The following MLXIPL variants were observed in gnomAD, a reference collection of about 807,000 sequenced individuals.
The protein encoded by MLXIPL is MLX interacting protein like, also known as carbohydrate-responsive element-binding protein.
Under a neutral mutation model 81.5 loss-of-function variants are expected in MLXIPL, and 49 were observed. The ratio of observed to expected loss-of-function variants is 0.60; its 90% confidence interval spans 0.48 to 0.76. MLXIPL has a LOEUF of 0.76. Among genes scored for constraint, MLXIPL ranks in the 30% least tolerant of loss-of-function variants. MLXIPL has a pLI of 0.00. For missense variants in MLXIPL, 1,053 were observed against 1,167.0 expected (o/e 0.90, Z 1.42); for synonymous variants, 466 against 485.5 (o/e 0.96, Z 0.53).
chr7:73,625,653 C>T (rs567545484), upstream of MLXIPL, among the ~76,000 whole-genome samples: 2 of 151,846 alleles, frequency 1.3e-5, no homozygotes, highest in East Asian at 1.9e-4. Flanking sequence ...CCCAGCTACT[C>T]GGGAGGCTGA....
At chr7:73,612,522 G>A (rs987803607) in intron 2 of MLXIPL, among the ~76,000 whole-genome samples, 1 of 151,706 alleles carries the variant, frequency 6.6e-6, no homozygotes, top group African/African-American at 2.4e-5. Context: ...CGCACCTGTA[G>A]TCCCAGCTAC....
chr7:73,647,424 CT>C, the MLXIPL span, among the ~76,000 whole-genome samples: 1 of 152,140 alleles, frequency 6.6e-6, no homozygotes, highest in African/African-American at 2.4e-5. Flanking sequence ...CCTGGGCCCC[CT>C]CTCAGCTCCT....
At chr7:73,607,267 G>C in intron 4 of MLXIPL, 64 bp downstream of exon 4, 1 of 1,482,150 alleles carries the variant, frequency 6.7e-7, no homozygotes, top group Non-Finnish European at 9.2e-7. Flanking sequence ...ATCTTCCGAG[G>C]CGGGCGGTAG....
At chr7:73,601,176 A>AGTGTGTGTGTGT (rs55639253) in intron 7 of MLXIPL, among the ~76,000 whole-genome samples, 2,244 of 137,624 alleles carry the variant, frequency 0.016, 20 homozygotes, top group Non-Finnish European at 0.02. Context: ...TGCAGGGTCA[A>AGTGTGTGTGTGT]GTGTGTGTGT....
rs373335863 is a variant in MLXIPL, at chr7:73,616,218, C to T, written c.294-41G>A. ...GGAGTAGGGTTAGGGAGATGCAGTG[C>T]TGCCACAGAGGCTGGTCCCCATATT... On this transcript the variant is annotated intron_variant, in intron 1 of 16. Coordinates refer to ENST00000313375, the MANE Select transcript of MLXIPL (RefSeq NM_032951.3). 1.9e-5 allele frequency: 29 copies of T among 1,508,566 alleles called. No homozygotes were observed. In the African/African-American group the frequency reaches 3.7e-4, roughly 19 times the overall value. The allele number at this position is 1,508,566 out of a possible 1,614,324, so 93.4% of individuals were successfully genotyped here.
At chr7:73,644,683 T>A in the MLXIPL span, among the ~76,000 whole-genome samples, 27,405 of 152,134 alleles carry the variant, frequency 0.18, 2,791 homozygotes, top group Non-Finnish European at 0.24. Flanking sequence ...TCCTTCCTGG[T>A]CGACATCTCT....
At chr7:73,594,746 G>A (rs530691238) in intron 15 of MLXIPL, among the ~76,000 whole-genome samples, 388 of 151,316 alleles carry the variant, frequency 2.6e-3, no homozygotes, top group Non-Finnish European at 4.1e-3. Flanking sequence ...ACGGGGTTTC[G>A]CTATGTTGGT....
At chr7:73,624,003 G>C (rs992968128) in intron 1 of MLXIPL, among the ~76,000 whole-genome samples, 197 bp downstream of exon 1, 1 of 152,048 alleles carries the variant, frequency 6.6e-6, no homozygotes, top group African/African-American at 2.4e-5. Flanking sequence ...GTCCGTCAGG[G>C]GCCAGCGGGC....
At chr7:73,619,090 G>A (rs67671166) in intron 1 of MLXIPL, among the ~76,000 whole-genome samples, 17,672 of 152,150 alleles carry the variant, frequency 0.12, 1,375 homozygotes, top group African/African-American at 0.22. Flanking sequence ...TTGGAAGGCC[G>A]AGGCAGGAGG....
upstream of MLXIPL, among the ~76,000 whole-genome samples, chr7:73,626,676 A>G (rs1554603950): frequency 6.6e-6 from 1 of 152,174 alleles, no homozygotes; most frequent in African/African-American, 2.4e-5. Context: ...ACAGGAGAGC[A>G]AAAACACACC....
the MLXIPL span, among the ~76,000 whole-genome samples, chr7:73,635,902 G>C: frequency 6.6e-5 from 10 of 152,216 alleles, no homozygotes; most frequent in Non-Finnish European, 1.5e-4. Flanking sequence ...CATGCCCTCT[G>C]TTCAGGCAGA....
chr7:73,641,909 C>T, the MLXIPL span, among the ~76,000 whole-genome samples: 1 of 152,156 alleles, frequency 6.6e-6, no homozygotes, highest in African/African-American at 2.4e-5. Flanking sequence ...GCTGGGATTA[C>T]AGACGTGAGC....
Position 73,602,729 on chromosome 7 carries a change from CCAT to C in MLXIPL, c.901+2956_901+2958del, listed in dbSNP as rs1794984000. On this transcript the variant is annotated intron_variant, in intron 7 of 16. Coordinates refer to ENST00000313375, the MANE Select transcript of MLXIPL (RefSeq NM_032951.3). The stretch of plus-strand genomic sequence containing the variant: ...ATGGCGAGTGGTCACTGCTGCTCCC[CCAT>C]CTCCCAGGGTCCACAGTTCCTGTCA... 7.9e-5 allele frequency among the ~76,000 whole-genome samples: 12 copies of C among 152,128 alleles called. No homozygotes were observed. In the South Asian group the frequency reaches 2.5e-3, roughly 31 times the overall value.
chr7:73,621,568 G>A lies in MLXIPL; in HGVS notation c.293+2632C>T, dbSNP rs894178379. On this transcript the variant is annotated intron_variant, in intron 1 of 16. Coordinates refer to ENST00000313375, the MANE Select transcript of MLXIPL (RefSeq NM_032951.3). ...CCTCCAGGGGACCCCTGGAACTGGG[G>A]GTCTTTGAGGATGAAAACACTGTCC... 2.6e-5 allele frequency among the ~76,000 whole-genome samples: 4 copies of A among 151,966 alleles called. No individual in the cohort carries two copies. The East Asian group carries it at 5.8e-4, about 22-fold the overall frequency.
chr7:73,647,839 C>T, the MLXIPL span, among the ~76,000 whole-genome samples: 2 of 150,694 alleles, frequency 1.3e-5, no homozygotes, highest in Admixed American at 6.6e-5. Context: ...GCGGCGGGGG[C>T]GCTGCGGGGA....
intron 2 of MLXIPL, among the ~76,000 whole-genome samples, chr7:73,608,273 CAG>C (rs782165907): frequency 1.3e-4 from 20 of 152,052 alleles, no homozygotes; most frequent in Admixed American, 7.2e-4. Context: ...CCATAGGCCA[CAG>C]AGAGTGAGCT....
At chr7:73,615,740 C>CCT (rs1554600611) in intron 2 of MLXIPL, among the ~76,000 whole-genome samples, 1 of 151,916 alleles carries the variant, frequency 6.6e-6, no homozygotes, top group Non-Finnish European at 1.5e-5. Flanking sequence ...CATGGTGAAA[C>CCT]CGTCTCTACT....
At chr7:73,610,752 G>A (rs1795638404) in intron 2 of MLXIPL, 1 of 151,868 alleles carries the variant, frequency 6.6e-6, no homozygotes, top group Admixed American at 6.6e-5. Flanking sequence ...TGGAATTACA[G>A]GCATGAGTCA....
the MLXIPL span, among the ~76,000 whole-genome samples, chr7:73,647,661 A>T: frequency 6.6e-6 from 1 of 152,092 alleles, no homozygotes; most frequent in South Asian, 2.1e-4. Flanking sequence ...TGAGCCAGAG[A>T]CGCGCGCCTC....
Sources: gnomAD v4.1 joint callset for allele counts (sites outside exome capture counted in the v4.1 genomes callset) on GRCh38, gnomAD v4.1.1 for gene constraint, MANE v1.5 for transcripts, NCBI Gene and HGNC (gene_info 2026-07-23, HGNC 2026-07-21) for gene names.